SBF2: variants seen among roughly 807,000 people sequenced by gnomAD.
The protein encoded by SBF2 is SET binding factor 2.
Under a neutral mutation model 225.2 loss-of-function variants are expected in SBF2, and 112 were observed. The ratio of observed to expected loss-of-function variants is 0.50; its 90% CI spans 0.43 to 0.58. The LOEUF (loss-of-function observed/expected upper bound fraction) is 0.58. SBF2 is among the 20% of genes least tolerant of loss of function. SBF2 has a pLI of 0.00. For synonymous variants in SBF2, 763 were observed against 773.3 expected (o/e 0.99, Z 0.22); for missense variants, 1,996 against 2,206.2 (o/e 0.90, Z 1.91).
intron 21 of SBF2, among the ~76,000 whole-genome samples, chr11:9,851,198 T>C (rs1298864154): frequency 6.7e-6 from 1 of 148,854 alleles, no homozygotes; most frequent in African/African-American, 2.5e-5. Flanking sequence ...AAAAAGCAAG[T>C]TAGAAACCAG....
intron 29 of SBF2, among the ~76,000 whole-genome samples, chr11:9,815,604 A>T (rs1416396254): frequency 6.6e-6 from 1 of 152,218 alleles, no homozygotes; most frequent in Non-Finnish European, 1.5e-5. Context: ...CTGAGAAATT[A>T]TGTGCAAAGA....
intron 1 of SBF2, among the ~76,000 whole-genome samples, chr11:10,228,644 C>A (rs1214736263): frequency 6.6e-6 from 1 of 152,162 alleles, no homozygotes; most frequent in African/African-American, 2.4e-5. Flanking sequence ...GCATGTTGAA[C>A]CAGCCTTGTA....
rs1161765085 is a variant in SBF2, at chr11:9,780,253, A to G, written c.*165T>C. On this transcript the variant is annotated 3_prime_UTR_variant, in exon 40 of 40. Transcript: ENST00000256190. Reference sequence around the variant, plus strand: ...TTGACCAGACCTGTGTGAAACACCTATTCAGGTTAAGTAGATATAGCAACC... The same window carrying G: ...TTGACCAGACCTGTGTGAAACACCTGTTCAGGTTAAGTAGATATAGCAACC... 1.5e-6 allele frequency: 1 copy of G among 684,116 alleles called. No homozygotes were observed. Among genetic ancestry groups the G allele is most frequent in the Non-Finnish European group, 2.6e-6 (1 of 377,440 alleles). 42.4% of individuals were successfully genotyped at this position (684,116 alleles called of 1,614,324 possible).
At chr11:9,866,698 G>A (rs1380454631) in intron 17 of SBF2, among the ~76,000 whole-genome samples, 1 of 152,130 alleles carries the variant, frequency 6.6e-6, no homozygotes, top group Admixed American at 6.6e-5. Context: ...ACCTCAAAAA[G>A]CACAGGCAAC....
chr11:10,253,679 GC>G (rs1469067999), intron 1 of SBF2, among the ~76,000 whole-genome samples: 2 of 151,802 alleles, frequency 1.3e-5, no homozygotes, highest in African/African-American at 4.8e-5. Context: ...TATCTCAATT[GC>G]CCTGAGATAT....
chr11:10,147,774 T>C (rs1384488330), intron 2 of SBF2, among the ~76,000 whole-genome samples: 1 of 152,194 alleles, frequency 6.6e-6, no homozygotes, highest in Non-Finnish European at 1.5e-5. Flanking sequence ...TATAATCTAC[T>C]AGTGATAAAT....
chr11:9,969,540 C>T (rs1867190059), intron 13 of SBF2, among the ~76,000 whole-genome samples: 1 of 152,192 alleles, frequency 6.6e-6, no homozygotes, highest in Non-Finnish European at 1.5e-5. Context: ...TCTAGACACA[C>T]AGAACTTCTT....
At chr11:10,127,140 T>C (rs1953794537) in intron 2 of SBF2, among the ~76,000 whole-genome samples, 1 of 152,140 alleles carries the variant, frequency 6.6e-6, no homozygotes. Context: ...ACAATGTGAA[T>C]GTACTTAATG....
intron 2 of SBF2, among the ~76,000 whole-genome samples, chr11:10,138,526 T>A (rs960916463): frequency 8.2e-6 from 1 of 121,724 alleles, no homozygotes; most frequent in African/African-American, 3.1e-5. Flanking sequence ...TCTTTTCCTA[T>A]TTTTTTTTTT....
intron 28 of SBF2, among the ~76,000 whole-genome samples, chr11:9,817,742 C>CAAAAAAAAAAAAA (rs1161708572): frequency 2.3e-4 from 13 of 57,320 alleles, no homozygotes; most frequent in Non-Finnish European, 2.9e-4. Flanking sequence ...CCGTCTCTAC[C>CAAAAAAAAAAAAA]AAAAAAAAAA....
chr11:10,046,490 T>G (rs891555988), intron 2 of SBF2, among the ~76,000 whole-genome samples: 9 of 152,066 alleles, frequency 5.9e-5, no homozygotes, highest in African/African-American at 2.2e-4. Flanking sequence ...TTATATCGTA[T>G]CAACAGGCTA....
At position 10,196,853 on chromosome 11, in the gene SBF2, TA is replaced by T. The variant is rs1565345018; in HGVS notation, c.56-2867del. 1.0e-3 allele frequency among the ~76,000 whole-genome samples: 23 copies of T among 22,160 alleles called. 1 individual carries two copies. Among genetic ancestry groups the T allele is most frequent in the Middle Eastern group, 0.019 (1 of 54 alleles). 14.5% of individuals were successfully genotyped at this position (22,160 alleles called of 152,430 possible). A position where few individuals can be genotyped will look rare whatever the true frequency, so the allele number is the denominator to read the frequency against. The stretch of plus-strand genomic sequence containing the variant: ...TCTTGCATAAATATATATATATATA[TA>T]TATATATATATATTTTTTTTTTCCT... On this transcript the variant is annotated intron_variant, in intron 1 of 39. Coordinates refer to ENST00000256190, the MANE Select transcript of SBF2 (RefSeq NM_030962.4).
rs1291567632 is a variant in SBF2 at position 10,177,632 on chromosome 11, C to G, written c.141+16270G>C. Among the ~76,000 whole-genome samples the G allele has an allele frequency of 1.1e-4, 17 of 151,490 alleles. 1 individual carries two copies. Among genetic ancestry groups the G allele is most frequent in the Admixed American group, 1.1e-3 (17 of 15,188 alleles). ...ATAAAATACCTAGGAATCCAACTTA[C>G]AAGGGATGTGAAGGACCTCTCCAAG... On this transcript the variant is annotated intron_variant, in intron 2 of 39. Transcript: ENST00000256190.
chr11:9,967,906 A>G (rs1554969108), intron 14 of SBF2, among the ~76,000 whole-genome samples: 1 of 146,034 alleles, frequency 6.8e-6, no homozygotes. Flanking sequence ...CAAGGGTGAA[A>G]CTCAATCTGT....
chr11:9,780,238 C>T lies in SBF2; in HGVS notation c.*180G>A. 1.5e-6 allele frequency: 1 copy of T among 661,270 alleles called. No homozygotes were observed. 41.0% of individuals were successfully genotyped at this position (661,270 alleles called of 1,614,324 possible). ...GAGTGCATGGGGCTGTTGACCAGACCTGTGTGAAACACCTATTCAGGTTAA... is the reference window on the plus strand; with the variant it reads ...GAGTGCATGGGGCTGTTGACCAGACTTGTGTGAAACACCTATTCAGGTTAA... On this transcript the variant is annotated 3_prime_UTR_variant, in exon 40 of 40. Coordinates refer to ENST00000256190, the MANE Select transcript of SBF2 (RefSeq NM_030962.4).
chr11:10,092,884 G>A (rs1951840607), intron 2 of SBF2, among the ~76,000 whole-genome samples: 1 of 151,718 alleles, frequency 6.6e-6, no homozygotes, highest in African/African-American at 2.4e-5. Context: ...ACGAGCATAA[G>A]ATTCAAAACA....
chr11:9,959,124 TA>T (rs1301374576), intron 16 of SBF2: 4 of 1,065,644 alleles, frequency 3.8e-6, no homozygotes, highest in Non-Finnish European at 5.8e-6. Context: ...AGTCTTCACA[TA>T]CACGATGTAA....
chr11:10,179,040 T>G lies in SBF2; in HGVS notation c.141+14862A>C, dbSNP rs561296103. 1.9e-4 allele frequency among the ~76,000 whole-genome samples: 28 copies of G among 146,482 alleles called. 2 individuals carry two copies. The highest frequency in any genetic ancestry group is 7.1e-3 in the Middle Eastern group (2 of 280). ...TAAAAAATGATGAGTTCATGTCCTT[T>G]GTAGGGACATGGATGAAATTGGAAA... On this transcript the variant is annotated intron_variant, in intron 2 of 39. Transcript: ENST00000256190.
At chr11:9,784,114 T>C (rs535297507) in intron 38 of SBF2, among the ~76,000 whole-genome samples, 1 of 152,238 alleles carries the variant, frequency 6.6e-6, no homozygotes, top group Admixed American at 6.5e-5. Context: ...CTGGGCTCAA[T>C]TGTTGCTGCC....
Sources: gnomAD v4.1 joint callset for allele counts (sites outside exome capture counted in the v4.1 genomes callset) on GRCh38, gnomAD v4.1.1 for gene constraint, MANE v1.5 for transcripts, NCBI Gene and HGNC (gene_info 2026-07-23, HGNC 2026-07-21) for gene names.